The following ELAC1 variants were observed in gnomAD, a reference collection of about 807,000 sequenced individuals.
ELAC1 encodes elaC ribonuclease Z 1.
In ELAC1, 19 loss-of-function variants were observed where a neutral mutation model predicts 25.8. The ratio of observed to expected loss-of-function variants is 0.74; its 90% CI spans 0.51 to 1.08. The LOEUF (loss-of-function observed/expected upper bound fraction) is 1.08, where lower values mean the gene tolerates loss of function less well. Ranked by LOEUF, ELAC1 falls within the 50% of genes least tolerant of loss-of-function variation. The pLI, the probability that ELAC1 is intolerant of heterozygous loss-of-function variation, is 0.00. For synonymous variants in ELAC1, 148 were observed against 160.9 expected (o/e 0.92, Z 0.61); for missense variants, 403 against 434.6 (o/e 0.93, Z 0.65).
At chr18:50,978,552 T>G (rs1044453973) in intron 2 of ELAC1, among the ~76,000 whole-genome samples, 1 of 152,116 alleles carries the variant, frequency 6.6e-6, no homozygotes, top group African/African-American at 2.4e-5. Context: ...ATGATTCAAT[T>G]ACTTCCCACC....
rs754200240 is a variant in ELAC1 at position 50,984,302 on chromosome 18, G to A, written c.364G>A (p.Glu122Lys). ...GCTGGTCTTCCATTATGTGGTTCATGAACTGGTTCCTACAGCAGATCAATG... is the reference window on the plus strand; with the variant it reads ...GCTGGTCTTCCATTATGTGGTTCATAAACTGGTTCCTACAGCAGATCAATG... ...TELVFHYVVHELVPTADQCPA... is the reference protein window; with the variant it reads ...TELVFHYVVHKLVPTADQCPA... Residue 122 changes from glutamate to lysine, a missense_variant, in exon 3 of 4, where the codon GAA becomes AAA. Glu to Lys is a moderately conservative substitution (Grantham distance 56, BLOSUM62 1). Coordinates refer to ENST00000269466, the MANE Select transcript of ELAC1 (RefSeq NM_018696.3). The A allele has an allele frequency of 6.2e-7, 1 of 1,614,172 alleles. No individual in the cohort carries two copies. Among genetic ancestry groups the A allele is most frequent in the Non-Finnish European group, 8.5e-7 (1 of 1,180,018 alleles).
chr18:50,983,983 T>C, intron 2 of ELAC1, 113 bp from the exon 3 acceptor site: 1 of 627,614 alleles, frequency 1.6e-6, no homozygotes, highest in South Asian at 3.3e-5. Flanking sequence ...GTAGAACTTT[T>C]AAATTCAATT....
intron 1 of ELAC1, among the ~76,000 whole-genome samples, chr18:50,973,252 G>C (rs1907710653): frequency 6.6e-6 from 1 of 152,046 alleles, no homozygotes; most frequent in Non-Finnish European, 1.5e-5. Context: ...AAGCTTCTTT[G>C]TTTTCTTCCC....
intron 1 of ELAC1, among the ~76,000 whole-genome samples, chr18:50,973,094 T>G (rs1007042280): frequency 6.6e-6 from 1 of 152,210 alleles, no homozygotes; most frequent in Non-Finnish European, 1.5e-5. Context: ...CTAACTTTAT[T>G]TCTGGTAATT....
In ELAC1 at chr18:50,984,294, T is replaced by C. The variant is rs1908040183; in HGVS notation, c.356T>C (p.Val119Ala). The change falls in exon 3 of 4, where the codon GTG (valine) becomes GCG (alanine). Residue 119 changes from valine to alanine, a missense_variant. Physicochemically the swap from Val to Ala is moderately conservative, Grantham distance 64 (BLOSUM62 0). Coordinates refer to ENST00000269466, the MANE Select transcript of ELAC1 (RefSeq NM_018696.3). ...LSHTELVFHY[V>A]VHELVPTADQ... is the part of the protein sequence containing the mutation. ...CACACGGAGCTGGTCTTCCATTATG[T>C]GGTTCATGAACTGGTTCCTACAGCA... The C allele has an allele frequency of 2.5e-6, 4 of 1,614,214 alleles. No homozygotes were observed. Among genetic ancestry groups the C allele is most frequent in the Non-Finnish European group, 2.5e-6 (3 of 1,180,032 alleles).
At chr18:50,972,226 G>A (rs1190712672) in intron 1 of ELAC1, among the ~76,000 whole-genome samples, 2 of 151,570 alleles carry the variant, frequency 1.3e-5, no homozygotes, top group Non-Finnish European at 2.9e-5. Flanking sequence ...TTTTGAACAC[G>A]TTATTGGATT....
At chr18:50,985,064 G>C (rs1272497401) in intron 3 of ELAC1, among the ~76,000 whole-genome samples, 1 of 152,100 alleles carries the variant, frequency 6.6e-6, no homozygotes, top group Non-Finnish European at 1.5e-5. Context: ...ATGCTATTTA[G>C]AGCAAAACCC....
rs1363751586 is a variant in ELAC1, at chr18:50,986,771, G to A, written c.778G>A (p.Asp260Asn). The A allele has an allele frequency of 6.2e-7, 1 of 1,614,196 alleles. No individual in the cohort carries two copies. The highest frequency in any genetic ancestry group is 1.7e-5 in the Admixed American group (1 of 60,014). ...ILGDCSGVVG[D>N]GGVKLCFEAD... Reference sequence around the variant, plus strand: ...GGGTGACTGCTCTGGGGTTGTGGGTGATGGAGGAGTAAAACTGTGCTTTGA... The same window carrying A: ...GGGTGACTGCTCTGGGGTTGTGGGTAATGGAGGAGTAAAACTGTGCTTTGA... The change falls in exon 4 of 4, where the codon GAT becomes AAT. Residue 260 changes from aspartate (D) to asparagine (N), a missense_variant. Transcript: ENST00000269466.
chr18:50,979,705 A>G (rs1472879540), intron 2 of ELAC1, among the ~76,000 whole-genome samples: 2 of 152,092 alleles, frequency 1.3e-5, no homozygotes, highest in Non-Finnish European at 2.9e-5. Flanking sequence ...TATATTTTAC[A>G]GTTCCTTTAT....
At chr18:50,971,349 A>G (rs1907646271) in intron 1 of ELAC1, among the ~76,000 whole-genome samples, 1 of 152,108 alleles carries the variant, frequency 6.6e-6, no homozygotes, top group South Asian at 2.1e-4. Context: ...GCATTGCTCT[A>G]TTGATATTTG....
intron 2 of ELAC1, among the ~76,000 whole-genome samples, chr18:50,980,772 A>G (rs1488592900): frequency 1.3e-5 from 2 of 151,774 alleles, no homozygotes; most frequent in Non-Finnish European, 2.9e-5. Flanking sequence ...CGAAAAAAAA[A>G]AAAAAAAAAA....
chr18:50,972,049 C>G (rs1907674873), intron 1 of ELAC1, among the ~76,000 whole-genome samples: 1 of 122,758 alleles, frequency 8.1e-6, no homozygotes. Context: ...GGGGTCCAAA[C>G]TTTTTTTTTT....
chr18:50,979,973 C>T (rs942312654), intron 2 of ELAC1, among the ~76,000 whole-genome samples: 1 of 152,130 alleles, frequency 6.6e-6, no homozygotes, highest in Non-Finnish European at 1.5e-5. Flanking sequence ...TCAGGCAGTC[C>T]ACCCGCCTTG....
Position 50,987,990 on chromosome 18 carries a change from G to A in ELAC1, c.*905G>A. ...AGAGTGAATGTGTTAGAATTGCAGT[G>A]TCATACCAAATAACATTCAAAAGAA... On this transcript the variant is annotated 3_prime_UTR_variant, in exon 4 of 4. Coordinates refer to ENST00000269466, the MANE Select transcript of ELAC1 (RefSeq NM_018696.3). 1 of 152,172 alleles carries A rather than the reference G, an allele frequency of 6.6e-6. No homozygotes were observed. The highest frequency in any genetic ancestry group is 1.9e-4 in the East Asian group (1 of 5,196). The allele number at this position is 152,172 out of a possible 1,614,324, so 9.4% of individuals were successfully genotyped here.
At chr18:50,974,583 T>G in intron 2 of ELAC1, 22 bp downstream of exon 2, 1 of 1,611,914 alleles carries the variant, frequency 6.2e-7, no homozygotes, top group Non-Finnish European at 8.5e-7. Flanking sequence ...TTCAGCTATC[T>G]CATTAAGATT....
intron 1 of ELAC1, among the ~76,000 whole-genome samples, chr18:50,972,122 T>G (rs1322880430): frequency 2.0e-5 from 3 of 151,200 alleles, no homozygotes; most frequent in Admixed American, 6.6e-5. Context: ...TTTTATTTAG[T>G]GAAAATGTCT....
At chr18:50,975,850 A>C (rs1907786172) in intron 2 of ELAC1, among the ~76,000 whole-genome samples, 1 of 152,314 alleles carries the variant, frequency 6.6e-6, no homozygotes, top group East Asian at 1.9e-4. Context: ...AGGAGGGGGA[A>C]GTAACTGACC....
intron 2 of ELAC1, among the ~76,000 whole-genome samples, chr18:50,983,066 A>G (rs926231158): frequency 2.1e-4 from 32 of 151,070 alleles, no homozygotes; most frequent in African/African-American, 6.6e-4. Flanking sequence ...GTAGGGGGCA[A>G]TGTAATTGCT....
chr18:50,970,741 A>G (rs1446085649), intron 1 of ELAC1, among the ~76,000 whole-genome samples: 1 of 152,176 alleles, frequency 6.6e-6, no homozygotes, highest in African/African-American at 2.4e-5. Context: ...AAATTTAAAA[A>G]AAATAAAATG....
Sources: allele counts gnomAD v4.1 joint callset (sites outside exome capture counted in the v4.1 genomes callset), GRCh38; gene constraint gnomAD v4.1.1; transcripts MANE v1.5; gene names NCBI Gene and HGNC (gene_info 2026-07-23, HGNC 2026-07-21).